The following RIN1 variants were observed in gnomAD, a reference collection of about 807,000 sequenced individuals.
RIN1 encodes the protein Ras and Rab interactor 1, also known as ras inhibitor 1.
A neutral mutation model predicts 64.9 loss-of-function variants in RIN1; 52 were observed. That is an observed-to-expected ratio of 0.80 (90% CI 0.64 to 1.01). The LOEUF is 1.01. Among genes scored for constraint, RIN1 ranks in the 50% least tolerant of loss-of-function variants. The pLI is 0.00. For missense variants in RIN1, 1,040 were observed against 1,064.5 expected, an observed-to-expected ratio of 0.98 and a Z score of 0.32; for synonymous variants, 486 against 483.6, an observed-to-expected ratio of 1.00 and a Z score of -0.06.
Position 66,333,293 on chromosome 11 carries a change from C to T in RIN1, c.1840G>A (p.Glu614Lys), listed in dbSNP as rs1300943036. The change falls in exon 9 of 10, where the codon GAG (glutamate) becomes AAG (lysine). Residue 614 changes from glutamate (E) to lysine (K), a missense_variant. Transcript: ENST00000311320. ...TGGGTGGCAGGCAGGCGGCGCTGCT[C>T]CCAGAGGCTGAGGGAGCGCCGTAGC... ...QELRRSLSLW[E>K]QRRLPATHCF... 1.2e-6 allele frequency: 2 copies of T among 1,611,994 alleles called. No homozygotes were observed.
At chr11:66,333,875 G>A in intron 7 of RIN1, 44 bp downstream of exon 7, 2 of 1,471,866 alleles carry the variant, frequency 1.4e-6, no homozygotes, top group Non-Finnish European at 9.0e-7. Flanking sequence ...GCCCGCCTCT[G>A]ACTCAAAGGG....
chr11:66,332,433 C>T lies in RIN1; in HGVS notation c.2195G>A (p.Gly732Glu). 2 of 1,614,190 alleles carry T rather than the reference C, an allele frequency of 1.2e-6. No homozygotes were observed. The highest frequency in any genetic ancestry group is 2.2e-5 in the East Asian group (1 of 44,888). Reference protein sequence around the residue: ...SEARSRGEEQGCQGDGDAGVK... With the variant: ...SEARSRGEEQECQGDGDAGVK... ...CCCAGCATCCCCATCTCCCTGGCAC[C>T]CTTGCTCCTCCCCTCTGCTTCTTGC... Residue 732 changes from glycine (G) to glutamate (E), a missense_variant, in exon 10 of 10, where the codon GGG (glycine) becomes GAG (glutamate). Gly to Glu is a moderately conservative substitution (Grantham distance 98). Transcript: ENST00000311320.
chr11:66,335,035 C>A lies in RIN1; in HGVS notation c.764G>T (p.Ser255Ile). 1 of 1,534,488 alleles carries A rather than the reference C, an allele frequency of 6.5e-7. No homozygotes were observed. The change falls in exon 6 of 10, where the codon AGC becomes ATC. Residue 255 changes from serine to isoleucine, a missense_variant. By Grantham distance (142) the Ser-to-Ile change is moderately radical. Transcript: ENST00000311320. Reference sequence around the variant, plus strand: ...TGGCACGGCAGGTGGAGACAGGGGGCTGGAGGTCTCTGTGGACACGCGCAC... The same window carrying A: ...TGGCACGGCAGGTGGAGACAGGGGGATGGAGGTCTCTGTGGACACGCGCAC... ...FKVRVSTETS[S>I]PLSPPAVPPP...
At chr11:66,332,779 G>T (rs775734921) in intron 9 of RIN1, 27 bp from the exon 10 acceptor site, 1 of 1,469,544 alleles carries the variant, frequency 6.8e-7, no homozygotes, top group Non-Finnish European at 9.1e-7. Context: ...GCAAAAACAA[G>T]TACTCAGCCC....
chr11:66,333,527 C>T lies in RIN1; in HGVS notation c.1723G>A (p.Gly575Ser), dbSNP rs768342159. Residue 575 changes from glycine (G) to serine (S), a missense_variant and splice_region_variant, in exon 8 of 10, where the codon GGT (glycine) becomes AGT (serine). Gly to Ser is a moderately conservative substitution (Grantham distance 56). Transcript: ENST00000311320. ...AGGGAGGTGGGTGGGGGTCCCTCAC[C>T]CTCTCCAGTAAGCAGGCTGGGCTCC... ...LLEPSLLTGEGGYYLTSLSAS... is the reference protein window; with the variant it reads ...LLEPSLLTGESGYYLTSLSAS... 219 of 1,612,840 alleles carry T rather than the reference C, an allele frequency of 1.4e-4. 3 individuals carry two copies. The South Asian group carries it at 2.3e-3, about 17-fold the overall frequency.
Position 66,332,616 on chromosome 11 carries a change from A to G in RIN1, c.2012T>C (p.Phe671Ser). The G allele has an allele frequency of 6.2e-7, 1 of 1,605,326 alleles. No individual in the cohort carries two copies. The highest frequency in any genetic ancestry group is 8.5e-7 in the Non-Finnish European group (1 of 1,174,680). ...CTGCTCCTTGTACAGGAAGAGGCCA[A>G]AAGTGTTGGGCTGGGTCACTCGGAA... ...TKFRVTQPNT[F>S]GLFLYKEQGY... The change falls in exon 10 of 10, where the codon TTT (phenylalanine) becomes TCT (serine). Residue 671 changes from phenylalanine (F) to serine (S), a missense_variant. By Grantham distance (155) the Phe-to-Ser change is radical. Coordinates refer to ENST00000311320, the MANE Select transcript of RIN1 (RefSeq NM_004292.3).
Position 66,333,678 on chromosome 11 carries a change from G to C in RIN1, c.1592-20C>G. On this transcript the variant is annotated intron_variant, in intron 7 of 9. Coordinates refer to ENST00000311320, the MANE Select transcript of RIN1 (RefSeq NM_004292.3). ...CCTCCCCTGTGGGGACATGGTGAGA[G>C]GAAGAAGCTTCAGGTACAGTCCTTG... 6.2e-7 allele frequency: 1 copy of C among 1,603,152 alleles called. No individual in the cohort carries two copies. Among genetic ancestry groups the C allele is most frequent in the East Asian group, 2.2e-5 (1 of 44,746 alleles).
At position 66,333,424 on chromosome 11, in the gene RIN1, G is replaced by A; in HGVS notation, c.1724-15C>T. 1 of 1,605,028 alleles carries A rather than the reference G, an allele frequency of 6.2e-7. No homozygotes were observed. Among genetic ancestry groups the A allele is most frequent in the Non-Finnish European group, 8.5e-7 (1 of 1,174,476 alleles). On this transcript the variant is annotated splice_polypyrimidine_tract_variant and intron_variant, in intron 8 of 9. Coordinates refer to ENST00000311320, the MANE Select transcript of RIN1 (RefSeq NM_004292.3). ...GTAGTAGCCACCTGGGACACAGGGT[G>A]GAAGAACACGGCTCAGGCTGGGTGT...
At chr11:66,332,881 CAAGCGGCAA>C in intron 9 of RIN1, 129 bp from the exon 10 acceptor site, 1 of 757,182 alleles carries the variant, frequency 1.3e-6, no homozygotes, top group Non-Finnish European at 2.1e-6. Flanking sequence ...GTGGGAGAAC[CAAGCGGCAA>C]AAGCTCTATG....
At position 66,335,510 on chromosome 11, in the gene RIN1, G is replaced by A. The variant is rs777482562; in HGVS notation, c.456-12C>T. 5.0e-6 allele frequency: 8 copies of A among 1,613,698 alleles called. No individual in the cohort carries two copies. In the South Asian group the frequency reaches 7.7e-5, roughly 16 times the overall value. ...GGAGAAGGATGTCCCTGAGGCCAGA[G>A]AGGGGAGCAGAAGGGAGTGAGGGCC... On this transcript the variant is annotated splice_polypyrimidine_tract_variant and intron_variant, in intron 4 of 9. Coordinates refer to ENST00000311320, the MANE Select transcript of RIN1 (RefSeq NM_004292.3).
rs368670070 is a variant in RIN1, at chr11:66,333,649, G to C, written c.1601C>G (p.Ala534Gly). Reference sequence around the variant, plus strand: ...CAGAGGCAGGAACTCGTCGGCACCCGCGCCCTCCCCTGTGGGGACATGGTG... The same window carrying C: ...CAGAGGCAGGAACTCGTCGGCACCCCCGCCCTCCCCTGTGGGGACATGGTG... ...MALRTQEGEG[A>G]GADEFLPLLS... Residue 534 changes from alanine (A) to glycine (G), a missense_variant, in exon 8 of 10, where the codon GCG becomes GGG. Physicochemically the swap from Ala to Gly is moderately conservative, Grantham distance 60. Coordinates refer to ENST00000311320, the MANE Select transcript of RIN1 (RefSeq NM_004292.3). The C allele has an allele frequency of 6.2e-7, 1 of 1,611,940 alleles. No homozygotes were observed. The highest frequency in any genetic ancestry group is 2.2e-5 in the East Asian group (1 of 44,856).
In RIN1 at chr11:66,335,470, G is replaced by A. The variant is rs757539636; in HGVS notation, c.484C>T (p.Pro162Ser). The part of the protein sequence containing the change: ...RDILLLPLQL[P>S]RAIHHAATHK... The stretch of plus-strand genomic sequence containing the variant: ...GTGGCTGCGTGGTGGATGGCTCTGG[G>A]GAGCTGCAGCGGGAGGAGAAGGATG... Residue 162 changes from proline to serine, a missense_variant, in exon 5 of 10, where the codon CCC (proline) becomes TCC (serine). Pro to Ser is a moderately conservative substitution (Grantham distance 74). Coordinates refer to ENST00000311320, the MANE Select transcript of RIN1 (RefSeq NM_004292.3). 3.1e-6 allele frequency: 5 copies of A among 1,613,896 alleles called. No individual in the cohort carries two copies. In the South Asian group the frequency reaches 5.5e-5, roughly 18 times the overall value.
Position 66,336,346 on chromosome 11 carries a change from G to A in RIN1, c.57C>T (p.Ser19=), listed in dbSNP as rs758683861. The A allele has an allele frequency of 6.2e-7, 1 of 1,613,744 alleles. No individual in the cohort carries two copies. The highest frequency in any genetic ancestry group is 1.7e-5 in the Admixed American group (1 of 59,988). ...CTCTCGCCAGGTGCCCAGTAGTGAA[G>A]CTGGACGGGCTGGGGGCTCCAGGAG... is the stretch of plus-strand genomic sequence containing the variant. ...AGSPGAPSPS[S]FTTGHLAREK... is the part of the protein sequence containing the mutation. Residue 19 remains serine (S), a synonymous_variant, in exon 1 of 10, where the codon AGC becomes AGT. Transcript: ENST00000311320.
chr11:66,336,597 C>T (rs978947115), upstream of RIN1: 7 of 577,464 alleles, frequency 1.2e-5, no homozygotes, highest in Admixed American at 3.1e-5. Context: ...CCCCTCCATG[C>T]TAGCCCTGCT....
rs1458650177 is a variant in RIN1, at chr11:66,332,414, A to C, written c.2214T>G (p.Asp738Glu). The change falls in exon 10 of 10, where the codon GAT (aspartate) becomes GAG (glutamate). Residue 738 changes from aspartate (D) to glutamate (E), a missense_variant. Asp to Glu is a conservative substitution (Grantham distance 45, BLOSUM62 2). Transcript: ENST00000311320. Reference sequence around the variant, plus strand: ...CCCTGGGGCTGGCTTTGACCCCAGCATCCCCATCTCCCTGGCACCCTTGCT... The same window carrying C: ...CCCTGGGGCTGGCTTTGACCCCAGCCTCCCCATCTCCCTGGCACCCTTGCT... ...GEEQGCQGDGDAGVKASPRDI... is the reference protein window; with the variant it reads ...GEEQGCQGDGEAGVKASPRDI... 1 of 1,614,096 alleles carries C rather than the reference A, an allele frequency of 6.2e-7. No homozygotes were observed. Among genetic ancestry groups the C allele is most frequent in the Non-Finnish European group, 8.5e-7 (1 of 1,180,020 alleles).
chr11:66,335,592 CCCTGCGGGCAGACTCA>C lies in RIN1; in HGVS notation c.455+2_455+17del. 2 of 1,613,628 alleles carry C rather than the reference CCCTGCGGGCAGACTCA, an allele frequency of 1.2e-6. No homozygotes were observed. The highest frequency in any genetic ancestry group is 2.2e-5 in the South Asian group (2 of 90,980). On this transcript the variant is annotated splice_donor_variant and splice_donor_5th_base_variant and intron_variant, in intron 4 of 9. Coordinates refer to ENST00000311320, the MANE Select transcript of RIN1 (RefSeq NM_004292.3). LOFTEE classifies it high-confidence loss of function. ...GAGCAGGGCCCGTGGACACCAGGCA[CCCTGCGGGCAGACTCA>C]CCGGGTGTGGCAGTAGGCACAGATG...
At position 66,331,984 on chromosome 11, in the gene RIN1, G is replaced by A. The variant is rs773392895; in HGVS notation, c.*292C>T. 4 of 482,312 alleles carry A rather than the reference G, an allele frequency of 8.3e-6. No individual in the cohort carries two copies. Among genetic ancestry groups the A allele is most frequent in the Admixed American group, 7.1e-5 (2 of 28,244 alleles). 29.9% of individuals were successfully genotyped at this position (482,312 alleles called of 1,614,324 possible). A position where few individuals can be genotyped will look rare whatever the true frequency, so the allele number is the denominator to read the frequency against. The stretch of plus-strand genomic sequence containing the variant: ...CCACGTCAGAGGTTGGGCATCTGTC[G>A]GATTCGCCCCCACTTGGCACACCCT... On this transcript the variant is annotated 3_prime_UTR_variant, in exon 10 of 10. Transcript: ENST00000311320.
intron 9 of RIN1, chr11:66,332,992 G>A: frequency 1.7e-6 from 1 of 604,912 alleles, no homozygotes; most frequent in South Asian, 2.0e-5. Context: ...TTGATAGTGA[G>A]TAATTTGTGC....
rs375956582 is a variant in RIN1 at position 66,333,361 on chromosome 11, C to T, written c.1772G>A (p.Gly591Asp). Residue 591 changes from glycine to aspartate, a missense_variant, in exon 9 of 10, where the codon GGC becomes GAC. By Grantham distance (94) the Gly-to-Asp change is moderately conservative. Transcript: ENST00000311320. The part of the protein sequence containing the change: ...SLSASLALLS[G>D]LGQAHTLPLS... ...TGGGAGGGTGTGGGCCTGACCCAGG[C>T]CACTCAGCAGGGCCAGGCTGGCAGA... The T allele has an allele frequency of 1.9e-4, 300 of 1,612,594 alleles. 1 individual carries two copies. The highest frequency in any genetic ancestry group is 1.7e-4 in the Middle Eastern group (1 of 6,058).
Sources: allele counts gnomAD v4.1 joint callset, GRCh38; gene constraint gnomAD v4.1.1; transcripts MANE v1.5; gene names NCBI Gene and HGNC (gene_info 2026-07-23, HGNC 2026-07-21).